The following NELL1 variants were observed in gnomAD, a reference collection of about 807,000 sequenced individuals.
NELL1 encodes protein kinase C-binding protein NELL1.
In NELL1, 76 loss-of-function variants were observed where a neutral mutation model predicts 107.4. That is an observed-to-expected ratio of 0.71 (90% CI 0.59 to 0.86). The LOEUF (loss-of-function observed/expected upper bound fraction) is 0.86, where lower values mean the gene tolerates loss of function less well. Among genes scored for constraint, NELL1 ranks in the 40% least tolerant of loss-of-function variants. The probability of loss-of-function intolerance (pLI) is 0.00; values close to 1 mark genes in which losing one functional copy is unlikely to be tolerated. For synonymous variants in NELL1, 353 were observed against 341.2 expected (o/e 1.03, Z -0.38); for missense variants, 1,024 against 1,005.5 (o/e 1.02, Z -0.25).
intron 13 of NELL1, among the ~76,000 whole-genome samples, chr11:21,187,099 T>C (rs1228738334): frequency 1.3e-5 from 2 of 151,886 alleles, no homozygotes; most frequent in Non-Finnish European, 2.9e-5. Context: ...ATGACAGAAA[T>C]ATAATTTAAA....
chr11:21,284,586 T>A (rs1565148069), intron 14 of NELL1: 1 of 448,020 alleles, frequency 2.2e-6, no homozygotes, highest in Non-Finnish European at 4.5e-6. Context: ...GCCCCAACAG[T>A]TTGATGTCAT....
intron 14 of NELL1, among the ~76,000 whole-genome samples, chr11:21,353,603 G>A (rs11026042): frequency 0.3 from 45,952 of 151,934 alleles, 7,128 homozygotes; most frequent in Non-Finnish European, 0.35. Flanking sequence ...AAGGCAGATC[G>A]CTGGGCTCCA....
intron 15 of NELL1, among the ~76,000 whole-genome samples, chr11:21,448,366 T>G (rs1293008719): frequency 6.6e-6 from 1 of 152,216 alleles, no homozygotes; most frequent in Non-Finnish European, 1.5e-5. Context: ...CTTTGTGTTT[T>G]CTTCACATTT....
chr11:21,480,828 C>G (rs1211496641), intron 15 of NELL1, among the ~76,000 whole-genome samples: 1 of 152,122 alleles, frequency 6.6e-6, no homozygotes, highest in Non-Finnish European at 1.5e-5. Flanking sequence ...ATTTTGTGCT[C>G]AATATGTCCC....
intron 12 of NELL1, among the ~76,000 whole-genome samples, chr11:21,032,418 C>A (rs1020428152): frequency 6.6e-6 from 1 of 152,130 alleles, no homozygotes; most frequent in East Asian, 1.9e-4. Context: ...TAGACAGAAT[C>A]TCACTCTGTT....
chr11:21,203,909 T>C (rs1791850), intron 13 of NELL1, among the ~76,000 whole-genome samples: 142,234 of 152,186 alleles, frequency 0.93, 67,245 homozygotes, highest in East Asian at 1. Context: ...GTTGAAAATT[T>C]GTTTCTCTAA....
At chr11:21,478,177 T>G (rs1854397316) in intron 15 of NELL1, among the ~76,000 whole-genome samples, 1 of 152,062 alleles carries the variant, frequency 6.6e-6, no homozygotes, top group African/African-American at 2.4e-5. Context: ...CTGCCACTTT[T>G]AAACCATCAG....
intron 12 of NELL1, among the ~76,000 whole-genome samples, chr11:21,022,393 A>T (rs1852721771): frequency 6.6e-6 from 1 of 152,118 alleles, no homozygotes; most frequent in Non-Finnish European, 1.5e-5. Context: ...GAGATGCTCA[A>T]AACTTTGTAA....
At chr11:21,556,814 A>G (rs1004052518) in intron 16 of NELL1, among the ~76,000 whole-genome samples, 2 of 152,010 alleles carry the variant, frequency 1.3e-5, no homozygotes, top group Non-Finnish European at 2.9e-5. Context: ...GAAGAAACAC[A>G]GAGAGATCAC....
At chr11:21,242,112 T>C (rs1273432530) in intron 14 of NELL1, among the ~76,000 whole-genome samples, 1 of 150,434 alleles carries the variant, frequency 6.6e-6, no homozygotes, top group Admixed American at 6.6e-5. Flanking sequence ...GGTAAAATGA[T>C]GAACACATGA....
At chr11:20,872,708 G>GTGTA (rs1455708462) in intron 4 of NELL1, among the ~76,000 whole-genome samples, 2 of 151,182 alleles carry the variant, frequency 1.3e-5, no homozygotes, top group African/African-American at 4.9e-5. Context: ...GTGTGTGTGT[G>GTGTA]TGTGTAGTCT....
Position 20,702,436 on chromosome 11 carries a change from A to G in NELL1, c.184+24376A>G, listed in dbSNP as rs1374466593. ...TGAGACAATGGGGTTTTCTAAATAT[A>G]CAATCATGTCATCTGCAAACAGGGA... On this transcript the variant is annotated intron_variant, in intron 2 of 19. Transcript: ENST00000357134. Among the ~76,000 whole-genome samples the G allele has an allele frequency of 8.5e-5, 13 of 152,266 alleles. No homozygotes were observed. In the South Asian group the frequency reaches 1.5e-3, roughly 17 times the overall value.
intron 12 of NELL1, among the ~76,000 whole-genome samples, chr11:21,096,729 G>GT (rs1411995021): frequency 2.0e-5 from 3 of 151,972 alleles, no homozygotes; most frequent in Admixed American, 6.6e-5. Context: ...TCTTTTGTTT[G>GT]TTTTTTCTCT....
intron 13 of NELL1, among the ~76,000 whole-genome samples, chr11:21,163,316 T>G (rs1856413170): frequency 1.3e-5 from 2 of 152,178 alleles, no homozygotes; most frequent in Admixed American, 1.3e-4. Flanking sequence ...TTTTACAGTC[T>G]TGTTGAGAAT....
chr11:21,217,648 T>A (rs1201255643), intron 13 of NELL1, among the ~76,000 whole-genome samples: 2 of 152,192 alleles, frequency 1.3e-5, no homozygotes, highest in Non-Finnish European at 2.9e-5. Flanking sequence ...ATGCTTCAAC[T>A]CCTAATTTCT....
At chr11:21,294,139 A>T (rs1849327610) in intron 14 of NELL1, among the ~76,000 whole-genome samples, 1 of 152,100 alleles carries the variant, frequency 6.6e-6, no homozygotes, top group Non-Finnish European at 1.5e-5. Flanking sequence ...AGTGCCAGTC[A>T]CATGGGCATT....
chr11:21,341,919 C>T (rs2133704310), intron 14 of NELL1, among the ~76,000 whole-genome samples: 1 of 152,234 alleles, frequency 6.6e-6, no homozygotes, highest in African/African-American at 2.4e-5. Flanking sequence ...AACATTTCCA[C>T]TGTTAGTGGT....
chr11:20,973,017 G>T (rs1851531059), intron 12 of NELL1, among the ~76,000 whole-genome samples: 1 of 151,768 alleles, frequency 6.6e-6, no homozygotes, highest in Non-Finnish European at 1.5e-5. Context: ...AACTCTAATG[G>T]CTGACTTTGA....
At chr11:20,794,931 G>A (rs1857141846) in intron 3 of NELL1, among the ~76,000 whole-genome samples, 1 of 152,188 alleles carries the variant, frequency 6.6e-6, no homozygotes, top group Non-Finnish European at 1.5e-5. Context: ...ATCATCATGA[G>A]CACCACAGGA....
Sources: gnomAD v4.1 joint callset for allele counts (sites outside exome capture counted in the v4.1 genomes callset) on GRCh38, gnomAD v4.1.1 for gene constraint, MANE v1.5 for transcripts, NCBI Gene and HGNC (gene_info 2026-07-23, HGNC 2026-07-21) for gene names.